The following MBD3 variants were observed in gnomAD, a reference collection of about 807,000 sequenced individuals.
MBD3 encodes the protein methyl-CpG-binding domain protein 3.
In MBD3, 13 loss-of-function variants were observed where a neutral mutation model predicts 31.2. The ratio of observed to expected loss-of-function variants is 0.42; its 90% CI spans 0.27 to 0.66. The LOEUF is 0.66. MBD3 is among the 30% of genes least tolerant of loss of function. MBD3 has a pLI of 0.26. For missense variants in MBD3, 440 were observed against 426.5 expected, an observed-to-expected ratio of 1.03 and a Z score of -0.28; for synonymous variants, 223 against 187.4, an observed-to-expected ratio of 1.19 and a Z score of -1.55.
At chr19:1,581,999 C>A (rs1014864242) in intron 4 of MBD3, among the ~76,000 whole-genome samples, 2 of 152,144 alleles carry the variant, frequency 1.3e-5, no homozygotes, top group Non-Finnish European at 2.9e-5. Context: ...GATCTCCTGA[C>A]CTCATGATCC....
Position 1,575,130 on chromosome 19 carries a change from T to C in MBD3, c.*3034A>G, listed in dbSNP as rs1480710423. The C allele has an allele frequency of 2.4e-6, 1 of 411,184 alleles. No individual in the cohort carries two copies. The highest frequency in any genetic ancestry group is 2.6e-5 in the Admixed American group (1 of 38,508). 25.5% of individuals were successfully genotyped at this position (411,184 alleles called of 1,614,324 possible). ...GGGGGACACGTGAGGCTCTTGCTGCTGCTGGCAAGTGCCAGAAGGGCTGCC... is the reference window on the plus strand; with the variant it reads ...GGGGGACACGTGAGGCTCTTGCTGCCGCTGGCAAGTGCCAGAAGGGCTGCC... On this transcript the variant is annotated 3_prime_UTR_variant, in exon 7 of 7. Transcript: ENST00000434436.
At chr19:1,590,127 T>G (rs181982646) in intron 1 of MBD3, among the ~76,000 whole-genome samples, 1 of 146,540 alleles carries the variant, frequency 6.8e-6, no homozygotes, top group Non-Finnish European at 1.5e-5. Flanking sequence ...GCGAAACCCC[T>G]TCTCTACTAA....
In MBD3 at chr19:1,592,728, G is replaced by GCCGCCA. The variant is rs965931276; in HGVS notation, c.-103_-98dup. The GCCGCCA allele has an allele frequency of 4.3e-5, 11 of 255,198 alleles. No homozygotes were observed. Among genetic ancestry groups the GCCGCCA allele is most frequent in the Middle Eastern group, 1.7e-3 (1 of 606 alleles). The allele number at this position is 255,198 out of a possible 1,614,324, so 15.8% of individuals were successfully genotyped here. A position where few individuals can be genotyped will look rare whatever the true frequency, so the allele number is the denominator to read the frequency against. On this transcript the variant is annotated 5_prime_UTR_variant, in exon 1 of 7. Transcript: ENST00000434436. Reference sequence around the variant, plus strand: ...AGCTGCCTCCGCTGCCGCTGCCGCCGCCGCCACTTGCCGCGGCTGTTCCGG... The same window carrying GCCGCCA: ...AGCTGCCTCCGCTGCCGCTGCCGCCGCCGCCACCGCCACTTGCCGCGGCTGTTCCGG...
chr19:1,580,157 T>C (rs111999169), intron 5 of MBD3, among the ~76,000 whole-genome samples: 15 of 152,368 alleles, frequency 9.8e-5, no homozygotes, highest in African/African-American at 2.6e-4. Flanking sequence ...TTCACCATCT[T>C]CATTTCGGGA....
chr19:1,578,477 T>G lies in MBD3; in HGVS notation c.739A>C (p.Met247Leu). 10 of 1,610,884 alleles carry G rather than the reference T, an allele frequency of 6.2e-6. No homozygotes were observed. Among genetic ancestry groups the G allele is most frequent in the Non-Finnish European group, 8.5e-6 (10 of 1,179,896 alleles). ...KRLEEALMAD[M>L]LAHVEELARD... is the part of the protein sequence containing the mutation. ...GCCAGCTCCTCCACGTGCGCCAGCATGTCGGCCATCAGCGCCTCCTCCAGC... is the reference window on the plus strand; with the variant it reads ...GCCAGCTCCTCCACGTGCGCCAGCAGGTCGGCCATCAGCGCCTCCTCCAGC... The change falls in exon 6 of 7, where the codon ATG becomes CTG. Residue 247 changes from methionine (M) to leucine (L), a missense_variant. Physicochemically the swap from Met to Leu is conservative, Grantham distance 15. This residue lies in a region of MBD3 where 117 missense variants were observed against 95.0 expected (regional missense o/e 1.23). Coordinates refer to ENST00000434436, the MANE Select transcript of MBD3 (RefSeq NM_001281453.2). The surrounding 1 kb of genome is among the most constrained non-coding windows in gnomAD (Gnocchi z 6.1).
In MBD3 at chr19:1,589,275, G is replaced by A. The variant is rs376371470; in HGVS notation, c.110+3247C>T. On this transcript the variant is annotated intron_variant, in intron 1 of 6. Transcript: ENST00000434436. Reference sequence around the variant, plus strand: ...GAACTCAGGAGGTGGAGGTCGCAGTGAGCCCAGATTGCAGCATTGCACTGC... The same window carrying A: ...GAACTCAGGAGGTGGAGGTCGCAGTAAGCCCAGATTGCAGCATTGCACTGC... Among the ~76,000 whole-genome samples, 487 of 143,192 alleles carry A rather than the reference G, an allele frequency of 3.4e-3. 2 individuals carry two copies. Among genetic ancestry groups the A allele is most frequent in the African/African-American group, 0.012 (458 of 38,194 alleles). The allele number at this position is 143,192 out of a possible 152,430, so 93.9% of individuals were successfully genotyped here. A position where few individuals can be genotyped will look rare whatever the true frequency, so the allele number is the denominator to read the frequency against.
At chr19:1,588,172 C>T (rs1599347994) in intron 1 of MBD3, among the ~76,000 whole-genome samples, 1 of 152,328 alleles carries the variant, frequency 6.6e-6, no homozygotes, top group African/African-American at 2.4e-5. Flanking sequence ...CACAAGGACA[C>T]GGGCAGGCTC....
chr19:1,579,492 C>G (rs1917298944), intron 5 of MBD3, among the ~76,000 whole-genome samples: 1 of 152,178 alleles, frequency 6.6e-6, no homozygotes. Context: ...CCCTCTCCGG[C>G]TGCCCAAAGA....
rs759599983 is a variant in MBD3 at position 1,578,173 on chromosome 19, G to C, written c.*6-15C>G. On this transcript the variant is annotated splice_polypyrimidine_tract_variant and intron_variant, in intron 6 of 6. Coordinates refer to ENST00000434436, the MANE Select transcript of MBD3 (RefSeq NM_001281453.2). This position sits in a 1 kb window ranked among gnomAD's most constrained non-coding sequence, Gnocchi z 6.1. The stretch of plus-strand genomic sequence containing the variant: ...CGGCAGGGCCTCTGGAAAGGACAGG[G>C]AGGGCTGGCTTTAGCGACTCCACGG... 294 of 1,111,750 alleles carry C rather than the reference G, an allele frequency of 2.6e-4. No individual in the cohort carries two copies. The highest frequency in any genetic ancestry group is 3.6e-4 in the Non-Finnish European group (280 of 777,178). 68.9% of individuals were successfully genotyped at this position (1,111,750 alleles called of 1,614,324 possible).
intron 1 of MBD3, among the ~76,000 whole-genome samples, chr19:1,588,051 C>T (rs1568277655): frequency 6.6e-6 from 1 of 152,218 alleles, no homozygotes; most frequent in African/African-American, 2.4e-5. Context: ...TGGTCCCATG[C>T]TTAGCTCAAT....
intron 1 of MBD3, among the ~76,000 whole-genome samples, chr19:1,587,826 A>G (rs1227271799): frequency 7.2e-5 from 11 of 152,212 alleles, no homozygotes. Context: ...ACTTTTATTA[A>G]TAATGCATCA....
Position 1,586,891 on chromosome 19 carries a change from T to C in MBD3, c.111-1677A>G, listed in dbSNP as rs189769157. On this transcript the variant is annotated intron_variant, in intron 1 of 6. Transcript: ENST00000434436. ...TGTGTTGGCCAGGCTGGTCACGAAC[T>C]CCTGACCTCAGGTGATCTGTCCGCC... Among the ~76,000 whole-genome samples the C allele has an allele frequency of 7.7e-3, 1,171 of 151,896 alleles. 10 individuals are homozygous for C. Among genetic ancestry groups the C allele is most frequent in the South Asian group, 0.044 (213 of 4,806 alleles).
intron 1 of MBD3, among the ~76,000 whole-genome samples, chr19:1,591,001 G>C (rs1405774300): frequency 2.6e-5 from 4 of 152,224 alleles, no homozygotes; most frequent in Non-Finnish European, 5.9e-5. Flanking sequence ...GAGTGGGAAT[G>C]AGAGAGGTGG....
At position 1,575,195 on chromosome 19, in the gene MBD3, TG is replaced by T; in HGVS notation, c.*2968del. The T allele has an allele frequency of 4.6e-6, 2 of 434,130 alleles. No homozygotes were observed. The highest frequency in any genetic ancestry group is 1.6e-5 in the South Asian group (1 of 62,100). The allele number at this position is 434,130 out of a possible 1,614,324, so 26.9% of individuals were successfully genotyped here. A position where few individuals can be genotyped will look rare whatever the true frequency, so the allele number is the denominator to read the frequency against. On this transcript the variant is annotated 3_prime_UTR_variant, in exon 7 of 7. Coordinates refer to ENST00000434436, the MANE Select transcript of MBD3 (RefSeq NM_001281453.2). ...CTGTAATCCCGGCAATTTGGGAAGC[TG>T]GGGCGGGCGGATCACCTGAGGTTAG...
chr19:1,584,980 T>A, intron 2 of MBD3, 75 bp downstream of exon 2: 2 of 1,582,142 alleles, frequency 1.3e-6, no homozygotes, highest in Admixed American at 1.7e-5. Flanking sequence ...CTGTGTCGCC[T>A]GCAGCTCACG....
rs1173821354 is a variant in MBD3, at chr19:1,578,949, CGAG to C, written c.678-414_678-412del. Among the ~76,000 whole-genome samples, 3 of 151,984 alleles carry C rather than the reference CGAG, an allele frequency of 2.0e-5. No individual in the cohort carries two copies. Among genetic ancestry groups the C allele is most frequent in the Admixed American group, 6.6e-5 (1 of 15,244 alleles). ...CTGTAATCCCAGCACTTTGGGAGGC[CGAG>C]GTGGGCAGATCACTTGAGGTCAGGC... On this transcript the variant is annotated intron_variant, in intron 5 of 6. Coordinates refer to ENST00000434436, the MANE Select transcript of MBD3 (RefSeq NM_001281453.2). The surrounding 1 kb of genome is among the most constrained non-coding windows in gnomAD (Gnocchi z 6.1).
intron 1 of MBD3, among the ~76,000 whole-genome samples, chr19:1,588,837 G>A (rs1317366096): frequency 6.7e-6 from 1 of 149,074 alleles, no homozygotes; most frequent in Non-Finnish European, 1.5e-5. Flanking sequence ...ACAGACCACA[G>A]CCTGGTTGTT....
chr19:1,584,501 C>A lies in MBD3; in HGVS notation c.408+39G>T, dbSNP rs758492453. The stretch of plus-strand genomic sequence containing the variant: ...ACGTCCACCCACCAAAGTGAACAAC[C>A]CGGCCGGGAAGGCTGGGGTCGCTGT... On this transcript the variant is annotated intron_variant, in intron 3 of 6. Coordinates refer to ENST00000434436, the MANE Select transcript of MBD3 (RefSeq NM_001281453.2). The A allele has an allele frequency of 2.5e-6, 4 of 1,609,170 alleles. No homozygotes were observed. In the East Asian group the frequency reaches 8.9e-5, roughly 36 times the overall value.
chr19:1,579,964 G>A (rs542172549), intron 5 of MBD3, among the ~76,000 whole-genome samples: 1 of 152,262 alleles, frequency 6.6e-6, no homozygotes, highest in South Asian at 2.1e-4. Flanking sequence ...CACCATGTTG[G>A]CCAGGCTGGT....
Sources: allele counts gnomAD v4.1 joint callset (sites outside exome capture counted in the v4.1 genomes callset), GRCh38; gene constraint gnomAD v4.1.1; regional missense constraint gnomAD v4.1.1; non-coding constraint Gnocchi (gnomAD v3.1); transcripts MANE v1.5; gene names NCBI Gene and HGNC (gene_info 2026-07-23, HGNC 2026-07-21).